The following RTKN2 variants were observed in gnomAD, a reference collection of about 807,000 sequenced individuals.
RTKN2 encodes rhotekin 2.
A neutral mutation model predicts 71.5 loss-of-function variants in RTKN2; 69 were observed. The ratio of observed to expected loss-of-function variants is 0.96; its 90% CI spans 0.79 to 1.18. RTKN2 has a LOEUF of 1.18. Ranked by LOEUF, RTKN2 falls within the 50% of genes most tolerant of loss-of-function variation. The pLI, the probability that RTKN2 is intolerant of heterozygous loss-of-function variation, is 0.00. For synonymous variants in RTKN2, 236 were observed against 236.5 expected, an observed-to-expected ratio of 1.00 and a Z score of 0.02; for missense variants, 724 against 719.7, an observed-to-expected ratio of 1.01 and a Z score of -0.07.
chr10:62,256,411 T>C (rs1447796889), intron 2 of RTKN2, among the ~76,000 whole-genome samples: 4 of 152,174 alleles, frequency 2.6e-5, no homozygotes, highest in African/African-American at 7.2e-5. Flanking sequence ...ATGTACTGCA[T>C]AGATCTTGAC....
At chr10:62,240,165 A>AT (rs1207892848) in intron 4 of RTKN2, among the ~76,000 whole-genome samples, 1 of 151,876 alleles carries the variant, frequency 6.6e-6, no homozygotes, top group Non-Finnish European at 1.5e-5. Context: ...TAAGAAAAAG[A>AT]TGTTTTTTAT....
chr10:62,200,363 A>C (rs1841416646), intron 10 of RTKN2, among the ~76,000 whole-genome samples: 1 of 7,344 alleles, frequency 1.4e-4, no homozygotes, highest in Admixed American at 1.7e-3. Flanking sequence ...ACTCCGTCTC[A>C]AAAAAAAAAA....
At chr10:62,239,835 ATAAAT>A (rs1842337282) in intron 4 of RTKN2, 70 bp from the exon 5 acceptor site, 1 of 770,168 alleles carries the variant, frequency 1.3e-6, no homozygotes, top group African/African-American at 1.8e-5. Context: ...CTACTTGAAA[ATAAAT>A]ATTAGGTTAA....
intron 10 of RTKN2, among the ~76,000 whole-genome samples, chr10:62,203,328 C>G (rs1027144360): frequency 6.9e-6 from 1 of 145,820 alleles, no homozygotes; most frequent in African/African-American, 2.6e-5. Context: ...AGTTATACAC[C>G]TGAGATCTGC....
intron 6 of RTKN2, among the ~76,000 whole-genome samples, chr10:62,235,665 G>GGT (rs549300762): frequency 0.04 from 3,018 of 75,516 alleles, 77 homozygotes; most frequent in African/African-American, 0.12. Context: ...ATATGTATAA[G>GGT]GTGTGTGTGT....
At chr10:62,229,370 AAG>A (rs1172158979) in intron 6 of RTKN2, among the ~76,000 whole-genome samples, 2 of 152,292 alleles carry the variant, frequency 1.3e-5, no homozygotes, top group East Asian at 3.9e-4. Flanking sequence ...GTTGAATTGA[AAG>A]AGGACAAGAT....
At chr10:62,234,174 A>G (rs1842207968) in intron 6 of RTKN2, among the ~76,000 whole-genome samples, 1 of 152,138 alleles carries the variant, frequency 6.6e-6, no homozygotes, top group African/African-American at 2.4e-5. Flanking sequence ...TTTCCCACTG[A>G]TCAAAGATGA....
Position 62,197,801 on chromosome 10 carries a change from G to T in RTKN2, c.*107C>A. The T allele has an allele frequency of 7.0e-7, 1 of 1,433,094 alleles. No individual in the cohort carries two copies. The highest frequency in any genetic ancestry group is 9.2e-7 in the Non-Finnish European group (1 of 1,090,348). 88.8% of individuals were successfully genotyped at this position (1,433,094 alleles called of 1,614,324 possible). A position where few individuals can be genotyped will look rare whatever the true frequency, so the allele number is the denominator to read the frequency against. On this transcript the variant is annotated 3_prime_UTR_variant, in exon 12 of 12. Coordinates refer to ENST00000373789, the MANE Select transcript of RTKN2 (RefSeq NM_145307.4). ...ATACCTAATAGCTTATTAATTATTG[G>T]TATAAATCACTATATTTACCTATAT...
intron 5 of RTKN2, 107 bp from the exon 6 acceptor site, chr10:62,236,370 G>C: frequency 4.0e-6 from 3 of 755,184 alleles, no homozygotes; most frequent in South Asian, 3.8e-5. Context: ...TTAACATCAG[G>C]AAAATGCAAA....
In RTKN2 at chr10:62,263,816, T is replaced by G. The variant is rs569133878; in HGVS notation, c.61-995A>C. On this transcript the variant is annotated intron_variant, in intron 1 of 11. Coordinates refer to ENST00000373789, the MANE Select transcript of RTKN2 (RefSeq NM_145307.4). The stretch of plus-strand genomic sequence containing the variant: ...CATACCATTTATTTTAGTTTTAGGG[T>G]TCACCATGAAACTACTAAGTATTTT... Among the ~76,000 whole-genome samples the G allele has an allele frequency of 3.4e-4, 51 of 152,234 alleles. 2 individuals are homozygous for G. The Middle Eastern group carries it at 0.031, about 91-fold the overall frequency.
intron 2 of RTKN2, among the ~76,000 whole-genome samples, chr10:62,256,818 T>C (rs539137959): frequency 6.6e-6 from 1 of 152,210 alleles, no homozygotes; most frequent in East Asian, 1.9e-4. Flanking sequence ...ATTCTTGTAA[T>C]TTTTACGTAT....
In RTKN2 at chr10:62,241,010, C is replaced by A. The variant is rs1842362186; in HGVS notation, c.370+132G>T. Reference sequence around the variant, plus strand: ...CATATTTATATTAAAAATCAGAAAACAGTTCAAGATGCTGCTTATTCTTTC... The same window carrying A: ...CATATTTATATTAAAAATCAGAAAAAAGTTCAAGATGCTGCTTATTCTTTC... On this transcript the variant is annotated intron_variant, in intron 4 of 11. Coordinates refer to ENST00000373789, the MANE Select transcript of RTKN2 (RefSeq NM_145307.4). 1.4e-5 allele frequency: 8 copies of A among 567,324 alleles called. No homozygotes were observed. The South Asian group carries it at 1.8e-4, about 13-fold the overall frequency. The allele number at this position is 567,324 out of a possible 1,614,324, so 35.1% of individuals were successfully genotyped here.
chr10:62,265,112 AT>A (rs1219715850), intron 1 of RTKN2, among the ~76,000 whole-genome samples: 2 of 148,926 alleles, frequency 1.3e-5, no homozygotes, highest in South Asian at 2.1e-4. Flanking sequence ...TAAAAAAAAA[AT>A]GTACGTGTAA....
In RTKN2 at chr10:62,196,501, C is replaced by T. The variant is rs1479937165; in HGVS notation, c.*1407G>A. ...TTCTCTATAAATGGAAAAGACCCCGCTATCTGAAAATAATGAAAGGCTCCA... is the reference window on the plus strand; with the variant it reads ...TTCTCTATAAATGGAAAAGACCCCGTTATCTGAAAATAATGAAAGGCTCCA... On this transcript the variant is annotated 3_prime_UTR_variant, in exon 12 of 12. Transcript: ENST00000373789. The T allele has an allele frequency of 2.0e-6, 2 of 985,126 alleles. No individual in the cohort carries two copies. The highest frequency in any genetic ancestry group is 6.2e-5 in the Admixed American group (1 of 16,248). 61.0% of individuals were successfully genotyped at this position (985,126 alleles called of 1,614,324 possible). A position where few individuals can be genotyped will look rare whatever the true frequency, so the allele number is the denominator to read the frequency against.
At chr10:62,243,882 A>G (rs1486870107) in intron 3 of RTKN2, among the ~76,000 whole-genome samples, 1 of 152,188 alleles carries the variant, frequency 6.6e-6, no homozygotes, top group Non-Finnish European at 1.5e-5. Context: ...AGTGAAAACT[A>G]AGGTACTTGG....
chr10:62,230,061 T>C (rs111879487), intron 6 of RTKN2, among the ~76,000 whole-genome samples: 12 of 152,360 alleles, frequency 7.9e-5, no homozygotes, highest in African/African-American at 2.4e-4. Context: ...TTTAAAAACC[T>C]GAAAGTAAAA....
In RTKN2 at chr10:62,195,987, A is replaced by T; in HGVS notation, c.*1921T>A. The T allele has an allele frequency of 1.0e-6, 1 of 985,144 alleles. No homozygotes were observed. The highest frequency in any genetic ancestry group is 1.2e-6 in the Non-Finnish European group (1 of 829,696). 61.0% of individuals were successfully genotyped at this position (985,144 alleles called of 1,614,324 possible). A position where few individuals can be genotyped will look rare whatever the true frequency, so the allele number is the denominator to read the frequency against. Reference sequence around the variant, plus strand: ...GCTGTTATCTGCATGAGGAAAAATGACAAGAATATAATCTGGAAGTTTTAA... The same window carrying T: ...GCTGTTATCTGCATGAGGAAAAATGTCAAGAATATAATCTGGAAGTTTTAA... On this transcript the variant is annotated 3_prime_UTR_variant, in exon 12 of 12. Coordinates refer to ENST00000373789, the MANE Select transcript of RTKN2 (RefSeq NM_145307.4).
chr10:62,198,473 A>G, intron 11 of RTKN2, 30 bp from the exon 12 acceptor site: 1 of 1,352,752 alleles, frequency 7.4e-7, no homozygotes, highest in East Asian at 2.4e-5. Context: ...AAAAAACATG[A>G]AAAAATTCAA....
At chr10:62,202,437 G>A (rs1841463137) in intron 10 of RTKN2, among the ~76,000 whole-genome samples, 1 of 152,130 alleles carries the variant, frequency 6.6e-6, no homozygotes, top group Admixed American at 6.5e-5. Context: ...AGGATCACAA[G>A]AGGTTGCACC....
Sources: gnomAD v4.1 joint callset for allele counts (sites outside exome capture counted in the v4.1 genomes callset) on GRCh38, gnomAD v4.1.1 for gene constraint, MANE v1.5 for transcripts, NCBI Gene and HGNC (gene_info 2026-07-23, HGNC 2026-07-21) for gene names.